MIR2052HG: variants seen among roughly 807,000 people sequenced by gnomAD.
The protein encoded by MIR2052HG is MIR2052 host gene.
chr8:74,707,564 T>C (rs1190224357), intron 4 of MIR2052HG, among the ~76,000 whole-genome samples: 7 of 152,068 alleles, frequency 4.6e-5, no homozygotes, highest in Non-Finnish European at 1.0e-4. Flanking sequence ...ATGCAACTCT[T>C]TGTAGTCTTT....
chr8:74,668,039 A>C (rs1003837196), intron 2 of MIR2052HG, among the ~76,000 whole-genome samples: 14 of 151,458 alleles, frequency 9.2e-5, no homozygotes, highest in African/African-American at 3.4e-4. Flanking sequence ...AAAAAAAAAA[A>C]CCCAGTGACC....
At chr8:74,602,821 C>CTTTCTTTCTTTCTTTCCTTCTTTCTTTCT (rs1808026777) in intron 1 of MIR2052HG, among the ~76,000 whole-genome samples, 1 of 115,240 alleles carries the variant, frequency 8.7e-6, no homozygotes, top group South Asian at 2.9e-4. Context: ...GGCCGTGTTT[C>CTTTCTTTCTTTCTTTCCTTCTTTCTTTCT]TTTCTTTCTT....
chr8:74,618,747 G>A (rs752860574), intron 2 of MIR2052HG, among the ~76,000 whole-genome samples: 7 of 152,094 alleles, frequency 4.6e-5, no homozygotes, highest in South Asian at 2.1e-4. Flanking sequence ...ACAAAGATGC[G>A]CACTCTCACC....
In MIR2052HG at chr8:74,703,390, T is replaced by A. The variant is rs537239934; in HGVS notation, n.295-216T>A. 2.0e-5 allele frequency among the ~76,000 whole-genome samples: 3 copies of A among 152,124 alleles called. No homozygotes were observed. In the South Asian group the frequency reaches 6.2e-4, roughly 32 times the overall value. On this transcript the variant is annotated intron_variant and non_coding_transcript_variant, in intron 3 of 6. Transcript: ENST00000523442. ...AAGAAACCTATGGTCTTTTACCAAATGATTATGCACTAGGGAATGGGAAAT... is the reference window on the plus strand; with the variant it reads ...AAGAAACCTATGGTCTTTTACCAAAAGATTATGCACTAGGGAATGGGAAAT...
intron 2 of MIR2052HG, among the ~76,000 whole-genome samples, chr8:74,679,277 A>G (rs982887695): frequency 2.0e-5 from 3 of 152,002 alleles, no homozygotes; most frequent in African/African-American, 4.8e-5. Context: ...CCTGAAGTCC[A>G]TTATATCACT....
intron 2 of MIR2052HG, among the ~76,000 whole-genome samples, chr8:74,685,022 G>A (rs1563531417): frequency 6.6e-6 from 1 of 152,018 alleles, no homozygotes; most frequent in Non-Finnish European, 1.5e-5. Flanking sequence ...TAGATTATCT[G>A]AGACTCATAA....
At chr8:74,750,155 A>C (rs1369102320) in intron 4 of MIR2052HG, among the ~76,000 whole-genome samples, 2 of 152,224 alleles carry the variant, frequency 1.3e-5, no homozygotes, top group Non-Finnish European at 2.9e-5. Context: ...GCAATATCAC[A>C]AATTACTGTC....
At chr8:74,745,005 C>T (rs1434357738) in intron 4 of MIR2052HG, among the ~76,000 whole-genome samples, 1 of 152,098 alleles carries the variant, frequency 6.6e-6, no homozygotes, top group East Asian at 1.9e-4. Flanking sequence ...TGGATCATTC[C>T]TGTAATCTCA....
At chr8:74,653,062 C>A (rs1267313464) in intron 2 of MIR2052HG, among the ~76,000 whole-genome samples, 1 of 151,854 alleles carries the variant, frequency 6.6e-6, no homozygotes, top group Non-Finnish European at 1.5e-5. Flanking sequence ...ACTTTTTTTT[C>A]CCCCTTTTCC....
intron 2 of MIR2052HG, among the ~76,000 whole-genome samples, chr8:74,673,887 G>GTGTATA (rs374641482): frequency 1.6e-5 from 2 of 121,702 alleles, no homozygotes; most frequent in Non-Finnish European, 3.2e-5. Context: ...GTATTTTTTT[G>GTGTATA]TATATATATA....
chr8:74,644,891 AAAAAT>A lies in MIR2052HG; in HGVS notation n.216+31971_216+31975del, dbSNP rs901265989. On this transcript the variant is annotated intron_variant and non_coding_transcript_variant, in intron 2 of 6. Transcript: ENST00000523442. The stretch of plus-strand genomic sequence containing the variant: ...GGGCAAGAGAACAAGACCCTGGCTC[AAAAAT>A]AAAATAAAATAAAATAAAAAATAAA... Among the ~76,000 whole-genome samples, 8 of 152,222 alleles carry A rather than the reference AAAAAT, an allele frequency of 5.3e-5. No individual in the cohort carries two copies. In the South Asian group the frequency reaches 1.2e-3, roughly 24 times the overall value.
intron 2 of MIR2052HG, among the ~76,000 whole-genome samples, chr8:74,657,435 A>G (rs1281469852): frequency 6.6e-6 from 1 of 152,178 alleles, no homozygotes; most frequent in Non-Finnish European, 1.5e-5. Flanking sequence ...CAAGGCTGCT[A>G]CTCAAAGAGT....
intron 2 of MIR2052HG, among the ~76,000 whole-genome samples, chr8:74,662,209 A>G (rs998551767): frequency 8.5e-5 from 13 of 152,198 alleles, no homozygotes; most frequent in African/African-American, 3.1e-4. Flanking sequence ...AATGGTCAGA[A>G]GTTGACTTGA....
At position 74,723,886 on chromosome 8, in the gene MIR2052HG, A is replaced by G. The variant is rs111494240; in HGVS notation, n.371+20204A>G. On this transcript the variant is annotated intron_variant and non_coding_transcript_variant, in intron 4 of 6. Transcript: ENST00000523442. Reference sequence around the variant, plus strand: ...TTGGCTCATGAGAAATCTTATTTCTAGACAAAAATTTGAAGCAAGATTTTT... The same window carrying G: ...TTGGCTCATGAGAAATCTTATTTCTGGACAAAAATTTGAAGCAAGATTTTT... 4.2e-3 allele frequency among the ~76,000 whole-genome samples: 642 copies of G among 152,350 alleles called. 3 individuals carry two copies. Among genetic ancestry groups the G allele is most frequent in the Non-Finnish European group, 7.7e-3 (527 of 68,022 alleles).
intron 1 of MIR2052HG, chr8:74,604,122 C>T: frequency 5.6e-6 from 5 of 899,476 alleles, no homozygotes. Flanking sequence ...CACCACTCTC[C>T]TCGCGCATCT....
intron 1 of MIR2052HG, chr8:74,603,850 T>C (rs1586884430): frequency 3.3e-6 from 3 of 896,044 alleles, no homozygotes; most frequent in Non-Finnish European, 5.7e-6. Context: ...CCCTGCCATC[T>C]AGACCTGAGC....
At chr8:74,701,825 C>A (rs1390017951) in intron 2 of MIR2052HG, among the ~76,000 whole-genome samples, 1 of 152,088 alleles carries the variant, frequency 6.6e-6, no homozygotes, top group East Asian at 1.9e-4. Flanking sequence ...GAGAGAAGAA[C>A]CTTATCTCTG....
intron 4 of MIR2052HG, among the ~76,000 whole-genome samples, chr8:74,721,467 T>C (rs999615898): frequency 6.6e-6 from 1 of 152,216 alleles, no homozygotes; most frequent in Non-Finnish European, 1.5e-5. Context: ...CAGCTGCTTT[T>C]ACCTGCCAGT....
At chr8:74,746,231 A>G (rs1809884053) in intron 4 of MIR2052HG, among the ~76,000 whole-genome samples, 1 of 152,218 alleles carries the variant, frequency 6.6e-6, no homozygotes, top group Non-Finnish European at 1.5e-5. Context: ...AGTTGAAATT[A>G]GCTTCTGGTA....
Sources: allele counts gnomAD v4.1 joint callset (sites outside exome capture counted in the v4.1 genomes callset), GRCh38; gene constraint gnomAD v4.1.1; transcripts MANE v1.5; gene names NCBI Gene and HGNC (gene_info 2026-07-23, HGNC 2026-07-21).